Variants in GPC5 observed in about 807,000 individuals in gnomAD.
GPC5 encodes glypican-5.
Under a neutral mutation model 53.9 loss-of-function variants are expected in GPC5, and 47 were observed. The ratio of observed to expected loss-of-function variants is 0.87; its 90% CI spans 0.69 to 1.11. GPC5 has a LOEUF of 1.11. Ranked by LOEUF, GPC5 falls within the 50% of genes most tolerant of loss-of-function variation. The pLI, the probability that GPC5 is intolerant of heterozygous loss-of-function variation, is 0.00. For missense variants in GPC5, 748 were observed against 713.1 expected, an observed-to-expected ratio of 1.05 and a Z score of -0.56; for synonymous variants, 286 against 263.3, an observed-to-expected ratio of 1.09 and a Z score of -0.84.
intron 7 of GPC5, among the ~76,000 whole-genome samples, chr13:92,387,763 GTTAA>G (rs771070326): frequency 7.9e-5 from 12 of 152,124 alleles, no homozygotes; most frequent in Non-Finnish European, 1.5e-4. Context: ...GCTTCAACAA[GTTAA>G]TTAACCTATT....
chr13:92,131,735 T>C lies in GPC5; in HGVS notation c.1402-13095T>C, dbSNP rs186789970. Among the ~76,000 whole-genome samples, 873 of 152,042 alleles carry C rather than the reference T, an allele frequency of 5.7e-3. 13 individuals are homozygous for C. Among genetic ancestry groups the C allele is most frequent in the African/African-American group, 0.02 (828 of 41,506 alleles). ...ATGGCAAGAAGGTTTATGGGGTATTTCTAAGATGATTTTTTTTATCTAAGT... is the reference window on the plus strand; with the variant it reads ...ATGGCAAGAAGGTTTATGGGGTATTCCTAAGATGATTTTTTTTATCTAAGT... On this transcript the variant is annotated intron_variant, in intron 6 of 7. Coordinates refer to ENST00000377067, the MANE Select transcript of GPC5 (RefSeq NM_004466.6).
chr13:91,743,573 G>C (rs1045071275), intron 4 of GPC5, among the ~76,000 whole-genome samples: 3 of 152,126 alleles, frequency 2.0e-5, no homozygotes, highest in African/African-American at 7.2e-5. Flanking sequence ...AAAATGGGAA[G>C]CAGGAAGCAC....
chr13:91,826,338 C>T lies in GPC5; in HGVS notation c.1280+69918C>T, dbSNP rs367793988. On this transcript the variant is annotated intron_variant, in intron 5 of 7. Coordinates refer to ENST00000377067, the MANE Select transcript of GPC5 (RefSeq NM_004466.6). ...CTCTATCTACCTAATATATATTGGT[C>T]TATCATCTATCAAGAGTACCAAATG... Among the ~76,000 whole-genome samples, 3 of 152,060 alleles carry T rather than the reference C, an allele frequency of 2.0e-5. No homozygotes were observed. The South Asian group carries it at 6.2e-4, about 32-fold the overall frequency.
At chr13:91,494,683 A>G (rs1267675155) in intron 2 of GPC5, among the ~76,000 whole-genome samples, 2 of 152,164 alleles carry the variant, frequency 1.3e-5, no homozygotes, top group Non-Finnish European at 2.9e-5. Context: ...TTAATAGACT[A>G]GTCAGCAGTA....
At chr13:92,381,555 A>T (rs1282028029) in intron 7 of GPC5, among the ~76,000 whole-genome samples, 1 of 152,138 alleles carries the variant, frequency 6.6e-6, no homozygotes, top group Non-Finnish European at 1.5e-5. Context: ...GCTTGTGGGA[A>T]TGTAAACTAG....
At chr13:91,781,065 C>G (rs1038829540) in intron 5 of GPC5, among the ~76,000 whole-genome samples, 1 of 152,178 alleles carries the variant, frequency 6.6e-6, no homozygotes, top group African/African-American at 2.4e-5. Context: ...ATAACCTTTT[C>G]TTTTTCTCTC....
At chr13:91,595,012 T>C (rs1182522887) in intron 2 of GPC5, among the ~76,000 whole-genome samples, 1 of 148,052 alleles carries the variant, frequency 6.8e-6, no homozygotes, top group Non-Finnish European at 1.5e-5. Context: ...ATTTATTTAT[T>C]TATTTATTTA....
At chr13:92,594,901 ATG>A (rs1883821099) in intron 7 of GPC5, among the ~76,000 whole-genome samples, 1 of 152,150 alleles carries the variant, frequency 6.6e-6, no homozygotes, top group African/African-American at 2.4e-5. Context: ...TGTAATTTGG[ATG>A]TGATTAAAAT....
intron 5 of GPC5, among the ~76,000 whole-genome samples, chr13:91,855,488 T>C (rs955244662): frequency 6.6e-6 from 1 of 151,672 alleles, no homozygotes; most frequent in Non-Finnish European, 1.5e-5. Flanking sequence ...AAATGAAGCA[T>C]TGTACTTTCC....
chr13:92,195,202 T>C (rs939412746), intron 7 of GPC5, among the ~76,000 whole-genome samples: 9 of 152,188 alleles, frequency 5.9e-5, no homozygotes, highest in African/African-American at 2.2e-4. Context: ...ATCTCTAATC[T>C]AGAGACAGCC....
chr13:92,581,495 T>C (rs2139053900), intron 7 of GPC5, among the ~76,000 whole-genome samples: 1 of 152,340 alleles, frequency 6.6e-6, no homozygotes, highest in East Asian at 1.9e-4. Context: ...GGTGATTCCA[T>C]ATTTTAGCTC....
At chr13:91,819,700 A>G in intron 5 of GPC5, among the ~76,000 whole-genome samples, 1 of 152,196 alleles carries the variant, frequency 6.6e-6, no homozygotes, top group East Asian at 1.9e-4. Context: ...TCAGAATAAC[A>G]TTACTTAGAG....
At chr13:92,052,124 A>T (rs1268797492) in intron 6 of GPC5, among the ~76,000 whole-genome samples, 1 of 152,204 alleles carries the variant, frequency 6.6e-6, no homozygotes, top group African/African-American at 2.4e-5. Flanking sequence ...TCCCATTAAA[A>T]TTGGCCTGCA....
At position 92,020,683 on chromosome 13, in the gene GPC5, CTTT is replaced by C. The variant is rs71113782; in HGVS notation, c.1401+112639_1401+112641del. ...TAGTCCAATTTTTTATTAGTTTATT[CTTT>C]TTTTTTTTTTTTACTATTATGAACT... is the stretch of plus-strand genomic sequence containing the variant. On this transcript the variant is annotated intron_variant, in intron 6 of 7. Transcript: ENST00000377067. Among the ~76,000 whole-genome samples the C allele has an allele frequency of 3.6e-5, 5 of 140,650 alleles. No individual in the cohort carries two copies. In the East Asian group the frequency reaches 6.2e-4, roughly 17 times the overall value. 92.3% of individuals were successfully genotyped at this position (140,650 alleles called of 152,430 possible).
Position 92,156,949 on chromosome 13 carries a change from A to G in GPC5, c.1561+11960A>G, listed in dbSNP as rs367773530. On this transcript the variant is annotated intron_variant, in intron 7 of 7. Transcript: ENST00000377067. ...TCTTTCTGCTGATAAAATAGACTTTATTATAATTGATGTATGAATATACCA... is the reference window on the plus strand; with the variant it reads ...TCTTTCTGCTGATAAAATAGACTTTGTTATAATTGATGTATGAATATACCA... 3.3e-5 allele frequency among the ~76,000 whole-genome samples: 5 copies of G among 152,200 alleles called. No individual in the cohort carries two copies. The East Asian group carries it at 9.7e-4, about 29-fold the overall frequency.
intron 1 of GPC5, among the ~76,000 whole-genome samples, chr13:91,430,967 T>G (rs1879404552): frequency 6.6e-6 from 1 of 152,134 alleles, no homozygotes; most frequent in Non-Finnish European, 1.5e-5. Context: ...CTTGACCTCT[T>G]GGGCTCAAGC....
At chr13:91,962,148 ATTTTCCTAAGAGTG>A (rs2040132117) in intron 6 of GPC5, among the ~76,000 whole-genome samples, 1 of 152,064 alleles carries the variant, frequency 6.6e-6, no homozygotes. Flanking sequence ...GTCGTTGGCA[ATTTTCCTAAGAGTG>A]TTTTCTATGG....
At chr13:92,049,321 C>G (rs2041008452) in intron 6 of GPC5, among the ~76,000 whole-genome samples, 1 of 152,104 alleles carries the variant, frequency 6.6e-6, no homozygotes, top group African/African-American at 2.4e-5. Context: ...GTACATATCA[C>G]TATCTGACCT....
At chr13:92,614,591 C>T (rs530955459) in intron 7 of GPC5, among the ~76,000 whole-genome samples, 24 of 152,136 alleles carry the variant, frequency 1.6e-4, no homozygotes, top group Non-Finnish European at 3.1e-4. Context: ...CAGAGAAAAC[C>T]ATCCGCTTAC....
Sources: gnomAD v4.1 joint callset for allele counts (sites outside exome capture counted in the v4.1 genomes callset) on GRCh38, gnomAD v4.1.1 for gene constraint, MANE v1.5 for transcripts, NCBI Gene and HGNC (gene_info 2026-07-23, HGNC 2026-07-21) for gene names.